SCAF11: variants seen among roughly 807,000 people sequenced by gnomAD.
The protein encoded by SCAF11 is protein SCAF11.
A neutral mutation model predicts 140.5 loss-of-function variants in SCAF11; 47 were observed. That is an observed-to-expected ratio of 0.33 (90% confidence interval 0.26 to 0.43). The LOEUF is 0.43. Among genes scored for constraint, SCAF11 ranks in the 20% least tolerant of loss-of-function variants. The probability of loss-of-function intolerance (pLI) is 1.00; values close to 1 mark genes in which losing one functional copy is unlikely to be tolerated. For missense variants in SCAF11, 1,645 were observed against 1,705.1 expected (o/e 0.96, Z 0.62); for synonymous variants, 557 against 579.4 (o/e 0.96, Z 0.55).
At chr12:45,982,799 T>C (rs1946377808) in intron 1 of SCAF11, among the ~76,000 whole-genome samples, 1 of 152,344 alleles carries the variant, frequency 6.6e-6, no homozygotes, top group African/African-American at 2.4e-5. Flanking sequence ...TCTTTCATGT[T>C]TGTACTTCTG....
At chr12:45,981,340 C>T (rs1431601815) in intron 1 of SCAF11, among the ~76,000 whole-genome samples, 2 of 152,118 alleles carry the variant, frequency 1.3e-5, no homozygotes, top group Non-Finnish European at 2.9e-5. Context: ...ACAAACTATT[C>T]TAAATGATGT....
intron 3 of SCAF11, among the ~76,000 whole-genome samples, chr12:45,953,276 G>A (rs528089533): frequency 2.9e-4 from 44 of 152,298 alleles, no homozygotes; most frequent in African/African-American, 8.9e-4. Flanking sequence ...TGTCTAGTTC[G>A]AAGAACTTAA....
chr12:45,990,459 T>C lies in SCAF11; in HGVS notation c.-128A>G, dbSNP rs1388959155. On this transcript the variant is annotated 5_prime_UTR_variant, in exon 1 of 15. Transcript: ENST00000369367. ...CCCAACATGGACTCCTTCGTCCGCT[T>C]TGTGGTGTTACAGGGTCTCTAGGAC... is the stretch of plus-strand genomic sequence containing the variant. 6.5e-6 allele frequency: 8 copies of C among 1,230,906 alleles called. No homozygotes were observed. The highest frequency in any genetic ancestry group is 8.5e-5 in the Admixed American group (2 of 23,630). 76.2% of individuals were successfully genotyped at this position (1,230,906 alleles called of 1,614,324 possible).
chr12:45,990,954 GT>G (rs1218136186), upstream of SCAF11, among the ~76,000 whole-genome samples: 2 of 152,258 alleles, frequency 1.3e-5, no homozygotes, highest in Non-Finnish European at 2.9e-5. Flanking sequence ...TCCTTTGGCA[GT>G]TTTACAGGCT....
intron 2 of SCAF11, among the ~76,000 whole-genome samples, chr12:45,962,569 A>C (rs1053837457): frequency 6.6e-6 from 1 of 152,198 alleles, no homozygotes. Context: ...GCTGGCTCAT[A>C]AGAAAATAAT....
intron 10 of SCAF11, chr12:45,930,017 T>C (rs1945003547): frequency 6.6e-6 from 1 of 152,220 alleles, no homozygotes; most frequent in Non-Finnish European, 1.5e-5. Flanking sequence ...ATGTTATGTG[T>C]TACATACTGT....
intron 1 of SCAF11, among the ~76,000 whole-genome samples, chr12:45,980,677 T>G (rs950154871): frequency 1.3e-5 from 2 of 152,220 alleles, no homozygotes; most frequent in Admixed American, 6.5e-5. Flanking sequence ...ACAGTATTTA[T>G]GTAACTAATT....
intron 1 of SCAF11, among the ~76,000 whole-genome samples, chr12:45,981,837 TTATTA>T (rs1430297201): frequency 5.1e-4 from 78 of 152,250 alleles, no homozygotes; most frequent in African/African-American, 1.7e-3. Context: ...GGAACAAACA[TTATTA>T]TATTAAATGT....
intron 3 of SCAF11, chr12:45,960,322 T>C (rs1428001821): frequency 2.0e-5 from 3 of 152,140 alleles, no homozygotes; most frequent in Non-Finnish European, 2.9e-5. Context: ...AAATTCACAA[T>C]TATGTGGTCA....
In SCAF11 at chr12:45,928,223, T is replaced by G. The variant is rs756820157; in HGVS notation, c.1478A>C (p.Lys493Thr). 7 of 1,614,044 alleles carry G rather than the reference T, an allele frequency of 4.3e-6. No individual in the cohort carries two copies. The South Asian group carries it at 7.7e-5, about 18-fold the overall frequency. The stretch of plus-strand genomic sequence containing the variant: ...CTCTATACCTGTATTCTCGAGTTTT[T>G]TAACTTCCCCTTCCTCACCAACTAG... ...PVLVGEEGEV[K>T]KLENTGIEAN... Residue 493 changes from lysine (K) to threonine (T), a missense_variant, in exon 11 of 15, where the codon AAA (lysine) becomes ACA (threonine). Coordinates refer to ENST00000369367, the MANE Select transcript of SCAF11 (RefSeq NM_004719.3).
chr12:45,927,940 ACT>A lies in SCAF11; in HGVS notation c.1759_1760del (p.Ser587PhefsTer7), dbSNP rs775617661. 6.8e-6 allele frequency: 11 copies of A among 1,613,072 alleles called. No individual in the cohort carries two copies. Among genetic ancestry groups the A allele is most frequent in the Admixed American group, 1.7e-5 (1 of 59,934 alleles). On this transcript the variant is annotated frameshift_variant, in exon 11 of 15. Coordinates refer to ENST00000369367, the MANE Select transcript of SCAF11 (RefSeq NM_004719.3). LOFTEE classifies it high-confidence loss of function. ...SVVNEEKITE[S>X]SLVEITEHKD... ...TATGTTCAGTAATTTCTACTAGGGA[ACT>A]CTCTGTTATTTTTTCTTCATTAACC...
intron 6 of SCAF11, among the ~76,000 whole-genome samples, chr12:45,944,375 A>G (rs1945372887): frequency 6.6e-6 from 1 of 152,218 alleles, no homozygotes; most frequent in East Asian, 1.9e-4. Context: ...TAATCTGTAA[A>G]TCTAACCTGA....
At position 45,936,992 on chromosome 12, in the gene SCAF11, T is replaced by G. The variant is rs536872800; in HGVS notation, c.464-2487A>C. Among the ~76,000 whole-genome samples, 51 of 152,286 alleles carry G rather than the reference T, an allele frequency of 3.3e-4. 1 individual carries two copies. Among genetic ancestry groups the G allele is most frequent in the African/African-American group, 1.2e-3 (50 of 41,560 alleles). On this transcript the variant is annotated intron_variant, in intron 6 of 14. Coordinates refer to ENST00000369367, the MANE Select transcript of SCAF11 (RefSeq NM_004719.3). ...CCCAATCCTCTATGTGGTCTGTTTTTACTCTCTCTCTTGTCATCCTCAGAC... is the reference window on the plus strand; with the variant it reads ...CCCAATCCTCTATGTGGTCTGTTTTGACTCTCTCTCTTGTCATCCTCAGAC...
intron 1 of SCAF11, among the ~76,000 whole-genome samples, chr12:45,983,486 A>G (rs1408592183): frequency 6.6e-6 from 1 of 152,178 alleles, no homozygotes; most frequent in Non-Finnish European, 1.5e-5. Flanking sequence ...GATACATTTA[A>G]AAAATTAAAA....
rs1192722288 is a variant in SCAF11 at position 45,927,651 on chromosome 12, TTTC to T, written c.2047_2049del (p.Glu683del). On this transcript the variant is annotated inframe_deletion, in exon 11 of 15. Transcript: ENST00000369367. Reference sequence around the variant, plus strand: ...GGATGTTCGGTCAGCGATTCATTCTTTTCTTCTAAAGATTTTTCCAATTTGGTG... The same window carrying T: ...GGATGTTCGGTCAGCGATTCATTCTTTTCTAAAGATTTTTCCAATTTGGTG... 1 of 1,612,154 alleles carries T rather than the reference TTTC, an allele frequency of 6.2e-7. No individual in the cohort carries two copies. The highest frequency in any genetic ancestry group is 1.7e-5 in the Admixed American group (1 of 60,020).
At chr12:45,949,677 C>T (rs1247815952) in intron 4 of SCAF11, among the ~76,000 whole-genome samples, 2 of 152,090 alleles carry the variant, frequency 1.3e-5, no homozygotes, top group South Asian at 2.1e-4. Context: ...GTGACTAGGG[C>T]TGTGATTCCA....
intron 2 of SCAF11, among the ~76,000 whole-genome samples, chr12:45,963,457 G>GA (rs146384068): frequency 8.0e-5 from 12 of 150,488 alleles, no homozygotes; most frequent in East Asian, 3.9e-4. Context: ...AGTGCTAAGA[G>GA]AAAAAAAAAC....
chr12:45,971,484 T>G (rs896205319), intron 1 of SCAF11, among the ~76,000 whole-genome samples: 1 of 152,174 alleles, frequency 6.6e-6, no homozygotes, highest in Non-Finnish European at 1.5e-5. Flanking sequence ...CAGAATCTGA[T>G]GCATCATCAA....
At chr12:45,961,282 C>T in intron 3 of SCAF11, 1 of 714,888 alleles carries the variant, frequency 1.4e-6, no homozygotes, top group Middle Eastern at 2.3e-4. Context: ...TTCCACAAGG[C>T]TGATATAAAG....
Sources: gnomAD v4.1 joint callset for allele counts (sites outside exome capture counted in the v4.1 genomes callset) on GRCh38, gnomAD v4.1.1 for gene constraint, MANE v1.5 for transcripts, NCBI Gene and HGNC (gene_info 2026-07-23, HGNC 2026-07-21) for gene names.